GCSAML: variants seen among roughly 807,000 people sequenced by gnomAD.
The protein encoded by GCSAML is germinal center-associated signaling and motility-like protein.
In GCSAML, 9 loss-of-function variants were observed where a neutral mutation model predicts 13.0. The ratio of observed to expected loss-of-function variants is 0.69; its 90% CI spans 0.42 to 1.21. The LOEUF is 1.21. GCSAML is among the 50% of genes most tolerant of loss of function. The probability of loss-of-function intolerance (pLI) is 0.00; values close to 1 mark genes in which losing one functional copy is unlikely to be tolerated. For synonymous variants in GCSAML, 37 were observed against 52.9 expected (o/e 0.70, Z 1.31); for missense variants, 143 against 153.4 (o/e 0.93, Z 0.36).
In GCSAML at chr1:247,554,776, G is replaced by T. The variant is rs1214148639; in HGVS notation, c.30-1631G>T. ...TAGTTGGAGAAATCATGTGCAAATT[G>T]TTGATTTTGGGGGATGTTTACTAAG... is the stretch of plus-strand genomic sequence containing the variant. On this transcript the variant is annotated intron_variant, in intron 1 of 4. Coordinates refer to ENST00000366488, the MANE Select transcript of GCSAML (RefSeq NM_145278.5). 3.3e-5 allele frequency among the ~76,000 whole-genome samples: 5 copies of T among 152,184 alleles called. No homozygotes were observed. The East Asian group carries it at 9.7e-4, about 29-fold the overall frequency.
At chr1:247,516,551 C>T (rs1279120178) in intron 1 of GCSAML, among the ~76,000 whole-genome samples, 1 of 116,556 alleles carries the variant, frequency 8.6e-6, no homozygotes, top group African/African-American at 2.8e-5. Context: ...TTCATGTTGA[C>T]TGTTTTTTTT....
intron 4 of GCSAML, among the ~76,000 whole-genome samples, chr1:247,566,226 G>A (rs1468367098): frequency 2.6e-5 from 4 of 151,992 alleles, no homozygotes; most frequent in Non-Finnish European, 5.9e-5. Context: ...CCTCAATTCT[G>A]CTGAAGTCTA....
chr1:247,561,958 G>A (rs547865190), intron 2 of GCSAML, among the ~76,000 whole-genome samples: 2 of 152,136 alleles, frequency 1.3e-5, no homozygotes, highest in Non-Finnish European at 2.9e-5. Context: ...AGGTCACCAA[G>A]CAAGGAGAAT....
chr1:247,509,720 G>T (rs1190150737), intron 1 of GCSAML, among the ~76,000 whole-genome samples: 1 of 152,168 alleles, frequency 6.6e-6, no homozygotes, highest in African/African-American at 2.4e-5. Context: ...AAGGGGTGTT[G>T]AATTTTATTG....
chr1:247,534,206 G>A (rs12029308), intron 2 of GCSAML, among the ~76,000 whole-genome samples: 33,210 of 151,866 alleles, frequency 0.22, 4,573 homozygotes, highest in East Asian at 0.44. Context: ...TACCCGTCTC[G>A]CTCCACTAGA....
intron 2 of GCSAML, among the ~76,000 whole-genome samples, chr1:247,560,022 A>G (rs776340900): frequency 6.6e-6 from 1 of 152,206 alleles, no homozygotes; most frequent in Non-Finnish European, 1.5e-5. Context: ...GATGTCAAGA[A>G]AATCTAAGAG....
chr1:247,531,531 C>T, intron 2 of GCSAML: 1 of 1,605,278 alleles, frequency 6.2e-7, no homozygotes, highest in Non-Finnish European at 8.5e-7. Flanking sequence ...TCTTCCTTCT[C>T]AGAAGGCACT....
chr1:247,518,380 T>C (rs1410850727), intron 1 of GCSAML: 1 of 152,346 alleles, frequency 6.6e-6, no homozygotes, highest in Non-Finnish European at 1.5e-5. Context: ...CGACTTGGCC[T>C]CGGCCCCTCG....
At position 247,556,442 on chromosome 1, in the gene GCSAML, G is replaced by T; in HGVS notation, c.65G>T (p.Gly22Val). The T allele has an allele frequency of 6.2e-7, 1 of 1,611,974 alleles. No individual in the cohort carries two copies. Among genetic ancestry groups the T allele is most frequent in the African/African-American group, 1.3e-5 (1 of 74,970 alleles). The change falls in exon 2 of 5, where the codon GGA becomes GTA. Residue 22 changes from glycine to valine, a missense_variant. Transcript: ENST00000366488. ...LGENQKKPKK[G>V]NPDEERKRQE... ...GAGAATCAAAAGAAGCCCAAGAAAGGAAACCCAGATGAGGAAAGAAAACGG... is the reference window on the plus strand; with the variant it reads ...GAGAATCAAAAGAAGCCCAAGAAAGTAAACCCAGATGAGGAAAGAAAACGG...
chr1:247,557,211 GC>G (rs1667986534), intron 2 of GCSAML, among the ~76,000 whole-genome samples: 1 of 152,156 alleles, frequency 6.6e-6, no homozygotes, highest in African/African-American at 2.4e-5. Flanking sequence ...ATTTGCTGTG[GC>G]CTTTATCTGA....
intron 2 of GCSAML, among the ~76,000 whole-genome samples, chr1:247,534,705 T>C (rs564563741): frequency 5.3e-5 from 8 of 152,202 alleles, no homozygotes; most frequent in Admixed American, 3.9e-4. Flanking sequence ...TGAACTTAAC[T>C]ATCAGCCTTC....
At position 247,532,624 on chromosome 1, in the gene GCSAML, C is replaced by A. The variant is rs1667032638; in HGVS notation, c.-148+5570C>A. The A allele has an allele frequency of 2.9e-6, 3 of 1,035,240 alleles. No individual in the cohort carries two copies. In the East Asian group the frequency reaches 7.4e-5, roughly 26 times the overall value. 64.1% of individuals were successfully genotyped at this position (1,035,240 alleles called of 1,614,324 possible). On this transcript the variant is annotated intron_variant, in intron 2 of 5. Transcript: ENST00000366489. ...CAAACATTAAAAGTGTATTTTAGTTCATTTTATGTTATTCTTTTTTAGAGA... is the reference window on the plus strand; with the variant it reads ...CAAACATTAAAAGTGTATTTTAGTTAATTTTATGTTATTCTTTTTTAGAGA...
At chr1:247,533,140 C>T (rs1230530104) in intron 2 of GCSAML, among the ~76,000 whole-genome samples, 6 of 152,134 alleles carry the variant, frequency 3.9e-5, no homozygotes, top group African/African-American at 9.7e-5. Flanking sequence ...CACCCCTGCT[C>T]CTGCCACTCT....
chr1:247,544,525 TGA>T, upstream of GCSAML, among the ~76,000 whole-genome samples: 1 of 152,114 alleles, frequency 6.6e-6, no homozygotes, highest in East Asian at 1.9e-4. Context: ...AAGTTCCACA[TGA>T]GGATCAATTA....
chr1:247,533,457 C>A (rs995161998), intron 2 of GCSAML: 3 of 152,182 alleles, frequency 2.0e-5, no homozygotes, highest in Non-Finnish European at 4.4e-5. Flanking sequence ...TCTAACTTTC[C>A]CTCCACCTTT....
chr1:247,570,336 T>A (rs544309929), intron 4 of GCSAML, among the ~76,000 whole-genome samples: 85 of 152,248 alleles, frequency 5.6e-4, no homozygotes, highest in African/African-American at 1.9e-3. Context: ...TTTCTTCTGT[T>A]TGCATTTAGT....
At chr1:247,565,106 TC>T (rs1420020276) in intron 3 of GCSAML, among the ~76,000 whole-genome samples, 4 of 152,146 alleles carry the variant, frequency 2.6e-5, no homozygotes, top group Non-Finnish European at 4.4e-5. Context: ...ATGCCTGTAA[TC>T]CCAGCACTTT....
At chr1:247,559,908 T>TA (rs1668067316) in intron 2 of GCSAML, among the ~76,000 whole-genome samples, 1 of 152,226 alleles carries the variant, frequency 6.6e-6, no homozygotes, top group South Asian at 2.1e-4. Flanking sequence ...TTAATTTAAT[T>TA]ACCTGTGTTA....
chr1:247,532,236 G>C (rs1572319580), intron 2 of GCSAML: 1 of 1,614,220 alleles, frequency 6.2e-7, no homozygotes, highest in Non-Finnish European at 8.5e-7. Flanking sequence ...CATAGCTTAT[G>C]GTTTTCTGTG....
Sources: gnomAD v4.1 joint callset for allele counts (sites outside exome capture counted in the v4.1 genomes callset) on GRCh38, gnomAD v4.1.1 for gene constraint, MANE v1.5 for transcripts, NCBI Gene and HGNC (gene_info 2026-07-23, HGNC 2026-07-21) for gene names.